CREB5: variants seen among roughly 807,000 people sequenced by gnomAD.
The protein encoded by CREB5 is cyclic AMP-responsive element-binding protein 5.
A neutral mutation model predicts 57.1 loss-of-function variants in CREB5; 19 were observed. The ratio of observed to expected loss-of-function variants is 0.33; its 90% CI spans 0.23 to 0.49. The LOEUF is 0.49. Among genes scored for constraint, CREB5 ranks in the 20% least tolerant of loss-of-function variants. The pLI is 0.99. For missense variants in CREB5, 579 were observed against 671.6 expected (o/e 0.86, Z 1.52); for synonymous variants, 238 against 238.3 (o/e 1.00, Z 0.01).
At chr7:28,518,653 T>C (rs59103277) in intron 4 of CREB5, among the ~76,000 whole-genome samples, 27,745 of 152,068 alleles carry the variant, frequency 0.18, 4,479 homozygotes, top group African/African-American at 0.44. Context: ...TTGGTTGGTC[T>C]CCAAATGGCT....
intron 1 of CREB5, among the ~76,000 whole-genome samples, chr7:28,357,847 G>A (rs1042215467): frequency 6.6e-6 from 1 of 152,186 alleles, no homozygotes; most frequent in African/African-American, 2.4e-5. Flanking sequence ...GGAAGTGGCT[G>A]TGGTTCATGA....
chr7:28,594,617 T>C (rs1161590302), intron 5 of CREB5, among the ~76,000 whole-genome samples: 2 of 152,332 alleles, frequency 1.3e-5, no homozygotes, highest in Non-Finnish European at 2.9e-5. Context: ...ACACATCGTG[T>C]GCTTGGAGAT....
At chr7:28,452,407 G>T (rs1413223883) in intron 1 of CREB5, among the ~76,000 whole-genome samples, 2 of 152,050 alleles carry the variant, frequency 1.3e-5, no homozygotes, top group East Asian at 1.9e-4. Flanking sequence ...TTATAAAAAT[G>T]CCCTAAATGT....
chr7:28,354,610 G>A (rs902804266), intron 1 of CREB5, among the ~76,000 whole-genome samples: 2 of 152,126 alleles, frequency 1.3e-5, no homozygotes, highest in South Asian at 2.1e-4. Context: ...TAATACAAAA[G>A]GTTACAACCT....
At chr7:28,500,229 A>G (rs1792221982) in intron 3 of CREB5, among the ~76,000 whole-genome samples, 1 of 152,222 alleles carries the variant, frequency 6.6e-6, no homozygotes, top group African/African-American at 2.4e-5. Flanking sequence ...TGCTATGATG[A>G]AGATAAAACA....
At chr7:28,408,728 T>G (rs919536368), upstream of CREB5, among the ~76,000 whole-genome samples, 1 of 152,046 alleles carries the variant, frequency 6.6e-6, no homozygotes, top group Admixed American at 6.5e-5. Context: ...CATGAGAGTG[T>G]GCACCATAAG....
intron 5 of CREB5, among the ~76,000 whole-genome samples, chr7:28,571,534 A>T (rs768617499): frequency 7.2e-5 from 11 of 152,182 alleles, no homozygotes; most frequent in African/African-American, 9.7e-5. Context: ...TTGAGGAAAA[A>T]TTGGTAGAAA....
chr7:28,390,991 A>AT (rs1787205507), intron 1 of CREB5, among the ~76,000 whole-genome samples: 1 of 152,030 alleles, frequency 6.6e-6, no homozygotes, highest in South Asian at 2.1e-4. Flanking sequence ...TGGTATATTT[A>AT]TTTTACTTTT....
chr7:28,696,708 C>G (rs1424032356), intron 5 of CREB5, among the ~76,000 whole-genome samples: 1 of 151,806 alleles, frequency 6.6e-6, no homozygotes, highest in Non-Finnish European at 1.5e-5. Flanking sequence ...TATATATACA[C>G]CTACACATAT....
intron 7 of CREB5, among the ~76,000 whole-genome samples, chr7:28,792,873 T>G (rs112821864): frequency 2.6e-5 from 4 of 152,124 alleles, no homozygotes; most frequent in African/African-American, 9.7e-5. Flanking sequence ...CAGGGGCTAT[T>G]TACAAATGTG....
intron 5 of CREB5, among the ~76,000 whole-genome samples, chr7:28,597,290 G>A (rs936491194): frequency 3.9e-5 from 6 of 152,192 alleles, no homozygotes; most frequent in Non-Finnish European, 8.8e-5. Flanking sequence ...GCCACCAGGA[G>A]CAGCCATCCT....
Position 28,820,379 on chromosome 7 carries a change from T to C in CREB5, c.*1100T>C, listed in dbSNP as rs1809691101. The C allele has an allele frequency of 6.6e-6, 1 of 152,526 alleles. No homozygotes were observed. The highest frequency in any genetic ancestry group is 2.4e-5 in the African/African-American group (1 of 41,394). The allele number at this position is 152,526 out of a possible 1,614,324, so 9.4% of individuals were successfully genotyped here. On this transcript the variant is annotated 3_prime_UTR_variant, in exon 11 of 11. Transcript: ENST00000357727. ...GGCTCTATTCACTACACAGATTACA[T>C]TGTTCAATCATCAGCTGCTAATAGC...
At chr7:28,306,544 TTG>T (rs140319489) in intron 1 of CREB5, among the ~76,000 whole-genome samples, 28 of 55,230 alleles carry the variant, frequency 5.1e-4, no homozygotes, top group East Asian at 2.0e-3. Flanking sequence ...AGATACAGTT[TTG>T]TTTTTTTTGT....
intron 5 of CREB5, among the ~76,000 whole-genome samples, chr7:28,577,714 T>G (rs150614): frequency 0.88 from 134,590 of 152,222 alleles, 59,711 homozygotes; most frequent in East Asian, 0.96. Context: ...TTTTTCACCT[T>G]TAAAATTGGG....
intron 7 of CREB5, among the ~76,000 whole-genome samples, chr7:28,727,670 A>C (rs1051979635): frequency 6.6e-6 from 1 of 152,218 alleles, no homozygotes; most frequent in Non-Finnish European, 1.5e-5. Context: ...TTTGGAAGCT[A>C]AATAAGCAGT....
At chr7:28,770,964 ATTAAG>A (rs1806289486) in intron 7 of CREB5, among the ~76,000 whole-genome samples, 1 of 152,178 alleles carries the variant, frequency 6.6e-6, no homozygotes, top group Admixed American at 6.6e-5. Context: ...TGAGGTGTTA[ATTAAG>A]TTGATTGTGG....
chr7:28,812,461 T>TTTC (rs1475075643), intron 9 of CREB5, among the ~76,000 whole-genome samples: 1 of 152,168 alleles, frequency 6.6e-6, no homozygotes, highest in Admixed American at 6.5e-5. Flanking sequence ...TTTTTTCACA[T>TTTC]TTCTTTAGAG....
intron 7 of CREB5, among the ~76,000 whole-genome samples, chr7:28,786,659 T>C (rs1052980642): frequency 3.9e-5 from 6 of 152,250 alleles, no homozygotes; most frequent in Admixed American, 2.0e-4. Flanking sequence ...CCGACTCTTA[T>C]TGACTAAGAA....
intron 4 of CREB5, among the ~76,000 whole-genome samples, chr7:28,542,655 A>G (rs1231949215): frequency 1.3e-5 from 2 of 152,036 alleles, no homozygotes; most frequent in African/African-American, 4.8e-5. Context: ...CTTTTGTGCC[A>G]CTGTGCTTTT....
Sources: gnomAD v4.1 joint callset for allele counts (sites outside exome capture counted in the v4.1 genomes callset) on GRCh38, gnomAD v4.1.1 for gene constraint, MANE v1.5 for transcripts, NCBI Gene and HGNC (gene_info 2026-07-23, HGNC 2026-07-21) for gene names.